The following GRHL2 variants were observed in gnomAD, a reference collection of about 807,000 sequenced individuals.
GRHL2 encodes the protein grainyhead-like protein 2 homolog.
In GRHL2, 21 loss-of-function variants were observed where a neutral mutation model predicts 83.8. That is an observed-to-expected ratio of 0.25 (90% CI 0.18 to 0.36). The LOEUF is 0.36. Ranked by LOEUF, GRHL2 falls within the 10% of genes least tolerant of loss-of-function variation. The probability of loss-of-function intolerance (pLI) is 1.00; values close to 1 mark genes in which losing one functional copy is unlikely to be tolerated. For missense variants in GRHL2, 623 were observed against 781.8 expected (o/e 0.80, Z 2.42); for synonymous variants, 280 against 278.9 (o/e 1.00, Z -0.04).
chr8:101,627,759 A>G (rs778320911), intron 9 of GRHL2, among the ~76,000 whole-genome samples: 1 of 152,158 alleles, frequency 6.6e-6, no homozygotes, highest in African/African-American at 2.4e-5. Flanking sequence ...GTGCTACTCC[A>G]GTGAACACAC....
At chr8:101,601,552 A>G (rs1161114519) in intron 8 of GRHL2, among the ~76,000 whole-genome samples, 1 of 152,150 alleles carries the variant, frequency 6.6e-6, no homozygotes, top group Non-Finnish European at 1.5e-5. Context: ...TGTACATGTG[A>G]GTGTGCATGT....
At chr8:101,592,002 AG>A (rs1812294148) in intron 7 of GRHL2, among the ~76,000 whole-genome samples, 1 of 152,068 alleles carries the variant, frequency 6.6e-6, no homozygotes, top group Non-Finnish European at 1.5e-5. Flanking sequence ...CCTCCTAAGA[AG>A]GGAAATCTGA....
Position 101,662,238 on chromosome 8 carries a change from TTG to T in GRHL2, c.1699-2214_1699-2213del, listed in dbSNP as rs199892326. Among the ~76,000 whole-genome samples, 1,188 of 152,306 alleles carry T rather than the reference TTG, an allele frequency of 7.8e-3. 14 individuals carry two copies. The highest frequency in any genetic ancestry group is 0.026 in the African/African-American group (1,065 of 41,572). On this transcript the variant is annotated intron_variant, in intron 14 of 15. Coordinates refer to ENST00000646743, the MANE Select transcript of GRHL2 (RefSeq NM_024915.4). ...AGTTCAAAGGCCCCCACTGGATGTG[TTG>T]TTTTTCATCCTTGGCTCGTTTGGCT...
chr8:101,586,493 ATCT>A (rs770040060), intron 7 of GRHL2, among the ~76,000 whole-genome samples: 29 of 152,048 alleles, frequency 1.9e-4, no homozygotes, highest in Non-Finnish European at 3.8e-4. Flanking sequence ...CTTGGGTAAG[ATCT>A]TCTTAATCTT....
chr8:101,508,292 T>TA (rs1218049136), intron 1 of GRHL2, among the ~76,000 whole-genome samples: 2 of 152,064 alleles, frequency 1.3e-5, no homozygotes, highest in Non-Finnish European at 2.9e-5. Flanking sequence ...ATTCCGTCTC[T>TA]AACAATGCAT....
Position 101,666,689 on chromosome 8 carries a change from C to T in GRHL2, c.1864C>T (p.Leu622Phe). 3 of 1,610,016 alleles carry T rather than the reference C, an allele frequency of 1.9e-6. No homozygotes were observed. Among genetic ancestry groups the T allele is most frequent in the Non-Finnish European group, 2.6e-6 (3 of 1,176,278 alleles). Residue 622 changes from leucine to phenylalanine, a missense_variant, in exon 16 of 16, where the codon CTC becomes TTC. Leu to Phe is a conservative substitution (Grantham distance 22). Coordinates refer to ENST00000646743, the MANE Select transcript of GRHL2 (RefSeq NM_024915.4). Reference protein sequence around the residue: ...ESMVEGFKVTLMEI With the variant: ...ESMVEGFKVTFMEI ...CATGGTGGAGGGCTTCAAGGTCACG[C>T]TCATGGAAATCTAGCCCTGGGTTTG...
intron 1 of GRHL2, among the ~76,000 whole-genome samples, chr8:101,500,005 G>A (rs1810190627): frequency 6.6e-6 from 1 of 152,104 alleles, no homozygotes; most frequent in African/African-American, 2.4e-5. Context: ...GAACACAGGA[G>A]GTGGAGGTTG....
At chr8:101,638,334 T>C (rs1449707593) in intron 12 of GRHL2, among the ~76,000 whole-genome samples, 2 of 152,228 alleles carry the variant, frequency 1.3e-5, no homozygotes, top group Non-Finnish European at 2.9e-5. Context: ...TAGTATAGTC[T>C]GCAAACTACA....
chr8:101,583,495 C>G (rs1812098413), intron 7 of GRHL2, among the ~76,000 whole-genome samples: 1 of 152,114 alleles, frequency 6.6e-6, no homozygotes, highest in African/African-American at 2.4e-5. Flanking sequence ...GAAGGAGCAG[C>G]AAGGCCAAGT....
intron 8 of GRHL2, among the ~76,000 whole-genome samples, chr8:101,606,114 A>G (rs1476163803): frequency 2.0e-5 from 3 of 152,232 alleles, no homozygotes; most frequent in Non-Finnish European, 2.9e-5. Context: ...CAGGAGGCAT[A>G]CAGTGACCCT....
chr8:101,561,865 G>T, intron 4 of GRHL2: 1 of 410,232 alleles, frequency 2.4e-6, no homozygotes, highest in Non-Finnish European at 4.5e-6. Context: ...ATGTTTTGTA[G>T]ATGGCAATGT....
intron 12 of GRHL2, among the ~76,000 whole-genome samples, chr8:101,642,561 G>A (rs1813423690): frequency 1.3e-5 from 2 of 152,166 alleles, no homozygotes; most frequent in Admixed American, 6.5e-5. Flanking sequence ...ACACAGTAAC[G>A]TGACCTGCTT....
rs1187121429 is a variant in GRHL2, at chr8:101,532,755, C to CAA, written c.21-10473_21-10472dup. Among the ~76,000 whole-genome samples, 22 of 90,480 alleles carry CAA rather than the reference C, an allele frequency of 2.4e-4. 1 individual carries two copies. Among genetic ancestry groups the CAA allele is most frequent in the South Asian group, 1.0e-3 (3 of 2,870 alleles). 59.4% of individuals were successfully genotyped at this position (90,480 alleles called of 152,430 possible). A position where few individuals can be genotyped will look rare whatever the true frequency, so the allele number is the denominator to read the frequency against. On this transcript the variant is annotated intron_variant, in intron 1 of 15. Coordinates refer to ENST00000646743, the MANE Select transcript of GRHL2 (RefSeq NM_024915.4). ...GGGGACAGAGCGAGACTCCATCTCA[C>CAA]AAAAAAAAAAAAAAGAGAGAGTAGA...
intron 1 of GRHL2, among the ~76,000 whole-genome samples, chr8:101,502,976 G>A (rs1810262597): frequency 6.6e-6 from 1 of 152,024 alleles, no homozygotes; most frequent in Non-Finnish European, 1.5e-5. Context: ...ATAATATAAG[G>A]ATAAGAATAG....
At chr8:101,624,211 C>G (rs1212830082) in intron 9 of GRHL2, among the ~76,000 whole-genome samples, 1 of 151,558 alleles carries the variant, frequency 6.6e-6, no homozygotes, top group Non-Finnish European at 1.5e-5. Flanking sequence ...CACAGTAGAA[C>G]AGTTCACAGT....
chr8:101,552,231 C>T (rs1258346734), intron 2 of GRHL2, among the ~76,000 whole-genome samples: 1 of 152,214 alleles, frequency 6.6e-6, no homozygotes, highest in Non-Finnish European at 1.5e-5. Flanking sequence ...GCTACTGGCT[C>T]AGTATGGCCC....
chr8:101,621,934 A>T (rs1265584977), intron 9 of GRHL2, among the ~76,000 whole-genome samples: 2 of 152,166 alleles, frequency 1.3e-5, no homozygotes, highest in South Asian at 4.1e-4. Flanking sequence ...AGGAAAAAAA[A>T]GTAGGGGGAT....
chr8:101,588,298 G>A (rs527842171), intron 7 of GRHL2, among the ~76,000 whole-genome samples: 3 of 152,228 alleles, frequency 2.0e-5, no homozygotes, highest in East Asian at 3.9e-4. Flanking sequence ...AACTGTAACG[G>A]CAACAGCAGT....
At chr8:101,543,562 T>A in intron 2 of GRHL2, 126 bp downstream of exon 2, 1 of 862,112 alleles carries the variant, frequency 1.2e-6, no homozygotes, top group South Asian at 1.4e-5. Context: ...CAATATAGAA[T>A]TCAGCCTCTT....
Sources: gnomAD v4.1 joint callset for allele counts (sites outside exome capture counted in the v4.1 genomes callset) on GRCh38, gnomAD v4.1.1 for gene constraint, MANE v1.5 for transcripts, NCBI Gene and HGNC (gene_info 2026-07-23, HGNC 2026-07-21) for gene names.